The following QTMAN variants were observed in gnomAD, a reference collection of about 807,000 sequenced individuals.
QTMAN encodes the protein tRNA-queuosine alpha-mannosyltransferase.
chr2:143,970,369 C>T, the QTMAN span, among the ~76,000 whole-genome samples: 1 of 152,190 alleles, frequency 6.6e-6, no homozygotes, highest in South Asian at 2.1e-4. Context: ...TTCCCACTTT[C>T]CTTAAGTGTT....
chr2:144,033,644 C>T, the QTMAN span, among the ~76,000 whole-genome samples: 1 of 152,172 alleles, frequency 6.6e-6, no homozygotes, highest in Non-Finnish European at 1.5e-5. Flanking sequence ...GTCCCTCTTT[C>T]TTATCATAAG....
chr2:143,957,922 C>CG, the QTMAN span, among the ~76,000 whole-genome samples: 1 of 152,032 alleles, frequency 6.6e-6, no homozygotes, highest in African/African-American at 2.4e-5. Flanking sequence ...GACAATGCCA[C>CG]GGGAGGTCTT....
the QTMAN span, among the ~76,000 whole-genome samples, chr2:144,290,193 A>AG: frequency 3.3e-5 from 5 of 152,078 alleles, no homozygotes; most frequent in Admixed American, 6.6e-5. Context: ...CTGGGGGCTA[A>AG]GGGGATGGAA....
the QTMAN span, among the ~76,000 whole-genome samples, chr2:144,084,657 T>C: frequency 6.6e-6 from 1 of 152,144 alleles, no homozygotes; most frequent in Non-Finnish European, 1.5e-5. Flanking sequence ...ACATCCTATG[T>C]CTCCCCCAAG....
the QTMAN span, among the ~76,000 whole-genome samples, chr2:144,061,648 C>T: frequency 6.6e-6 from 1 of 152,242 alleles, no homozygotes; most frequent in South Asian, 2.1e-4. Flanking sequence ...ATTAATGCTG[C>T]TGATACAGAA....
chr2:144,023,071 G>C, the QTMAN span, among the ~76,000 whole-genome samples: 1 of 151,864 alleles, frequency 6.6e-6, no homozygotes. Flanking sequence ...TCTGAAGTTC[G>C]TGAGAATCTA....
the QTMAN span, among the ~76,000 whole-genome samples, chr2:144,058,340 A>T: frequency 6.6e-6 from 1 of 152,186 alleles, no homozygotes; most frequent in Non-Finnish European, 1.5e-5. Context: ...ACTAAGTAAT[A>T]TAAGCAGATG....
At chr2:144,136,243 T>C in the QTMAN span, among the ~76,000 whole-genome samples, 3 of 151,578 alleles carry the variant, frequency 2.0e-5, no homozygotes, top group Non-Finnish European at 4.4e-5. Context: ...GGAGAGTCAC[T>C]TGAGCCCAGG....
At chr2:144,245,546 G>A in the QTMAN span, among the ~76,000 whole-genome samples, 1 of 152,222 alleles carries the variant, frequency 6.6e-6, no homozygotes, top group East Asian at 1.9e-4. Context: ...AAAATGCTAG[G>A]AAATGACAAT....
the QTMAN span, among the ~76,000 whole-genome samples, chr2:144,097,930 A>G: frequency 6.6e-6 from 1 of 152,098 alleles, no homozygotes; most frequent in Non-Finnish European, 1.5e-5. Flanking sequence ...TTTTCTCTCA[A>G]GCATCTCTAA....
chr2:144,182,808 A>T, the QTMAN span, among the ~76,000 whole-genome samples: 118 of 52,502 alleles, frequency 2.2e-3, 4 homozygotes, highest in Non-Finnish European at 3.3e-3. Context: ...TTATATATAT[A>T]ATATATATAT....
At chr2:143,940,521 T>C in the QTMAN span, 1 of 152,238 alleles carries the variant, frequency 6.6e-6, no homozygotes, top group Non-Finnish European at 1.5e-5. Context: ...CAGAAATTCA[T>C]ATCTCAGGCA....
chr2:144,165,711 A>C, the QTMAN span, among the ~76,000 whole-genome samples: 9,560 of 152,248 alleles, frequency 0.063, 1,005 homozygotes, highest in African/African-American at 0.22. Flanking sequence ...ATATGCTCTT[A>C]TGCTGAATTT....
At chr2:144,109,854 C>T in the QTMAN span, among the ~76,000 whole-genome samples, 1 of 152,092 alleles carries the variant, frequency 6.6e-6, no homozygotes, top group African/African-American at 2.4e-5. Context: ...CCATCTCACA[C>T]CAGTTAGAAT....
chr2:144,099,024 GACAGAA>G, the QTMAN span, among the ~76,000 whole-genome samples: 1 of 152,246 alleles, frequency 6.6e-6, no homozygotes, highest in South Asian at 2.1e-4. Flanking sequence ...AGGCATCAAA[GACAGAA>G]TCTCCATATA....
At chr2:144,295,875 C>T in the QTMAN span, among the ~76,000 whole-genome samples, 2 of 152,146 alleles carry the variant, frequency 1.3e-5, no homozygotes, top group Admixed American at 6.5e-5. Flanking sequence ...GCTAGGATGA[C>T]GGGCATGAAC....
chr2:144,172,475 T>C, the QTMAN span, among the ~76,000 whole-genome samples: 1 of 151,592 alleles, frequency 6.6e-6, no homozygotes, highest in African/African-American at 2.4e-5. Context: ...ACAAAAAAAA[T>C]TAGCAGGGCA....
chr2:144,161,519 T>C, the QTMAN span, among the ~76,000 whole-genome samples: 1 of 152,198 alleles, frequency 6.6e-6, no homozygotes, highest in Non-Finnish European at 1.5e-5. Flanking sequence ...TAGGACCAGT[T>C]ACATGTATGA....
the QTMAN span, among the ~76,000 whole-genome samples, chr2:144,327,583 A>G: frequency 6.6e-6 from 1 of 152,332 alleles, no homozygotes; most frequent in Middle Eastern, 3.4e-3. Flanking sequence ...AGGGTGTCCT[A>G]GAGTCCCTCA....
Sources: allele counts gnomAD v4.1 joint callset (sites outside exome capture counted in the v4.1 genomes callset), GRCh38; gene constraint gnomAD v4.1.1; transcripts MANE v1.5; gene names NCBI Gene and HGNC (gene_info 2026-07-23, HGNC 2026-07-21).